Variants in POFUT3 observed in about 807,000 individuals in gnomAD.
POFUT3 encodes GDP-fucose protein O-fucosyltransferase 3.
At chr8:33,309,179 T>C in the POFUT3 span, among the ~76,000 whole-genome samples, 1 of 105,330 alleles carries the variant, frequency 9.5e-6, no homozygotes, top group South Asian at 3.1e-4. Context: ...TATATATATA[T>C]ATATATATAT....
the POFUT3 span, among the ~76,000 whole-genome samples, chr8:33,358,568 C>T: frequency 3.3e-5 from 5 of 152,224 alleles, no homozygotes; most frequent in South Asian, 1.0e-3. Context: ...AAGAATGTTA[C>T]TATGGTCAGA....
At chr8:33,453,379 G>A in the POFUT3 span, 2 of 1,614,126 alleles carry the variant, frequency 1.2e-6, no homozygotes, top group Non-Finnish European at 1.7e-6. Flanking sequence ...TTCTTTTCCT[G>A]TTGAAGGTCA....
At chr8:33,338,610 G>A in the POFUT3 span, among the ~76,000 whole-genome samples, 5 of 152,114 alleles carry the variant, frequency 3.3e-5, no homozygotes, top group Non-Finnish European at 5.9e-5. Flanking sequence ...GAGTCATGAT[G>A]TTCACCATTG....
At chr8:33,339,146 C>T in the POFUT3 span, among the ~76,000 whole-genome samples, 2 of 151,914 alleles carry the variant, frequency 1.3e-5, no homozygotes, top group African/African-American at 2.4e-5. Context: ...TTTTTTAATG[C>T]TCCAATGAGC....
the POFUT3 span, among the ~76,000 whole-genome samples, chr8:33,370,346 C>A: frequency 6.6e-6 from 1 of 152,064 alleles, no homozygotes; most frequent in African/African-American, 2.4e-5. Context: ...TAGAGCAAGA[C>A]TTCTTCTCAA....
chr8:33,466,718 G>C, the POFUT3 span, among the ~76,000 whole-genome samples: 1 of 152,142 alleles, frequency 6.6e-6, no homozygotes, highest in Non-Finnish European at 1.5e-5. Context: ...GACTTGCAGA[G>C]AGCACTATGA....
At chr8:33,424,663 C>A in the POFUT3 span, among the ~76,000 whole-genome samples, 5 of 152,136 alleles carry the variant, frequency 3.3e-5, no homozygotes, top group African/African-American at 9.7e-5. Context: ...TCTGGATAAT[C>A]CCTGTACTTT....
chr8:33,342,714 G>A, the POFUT3 span, among the ~76,000 whole-genome samples: 1 of 152,154 alleles, frequency 6.6e-6, no homozygotes, highest in Non-Finnish European at 1.5e-5. Context: ...TTGTTAGTAG[G>A]AATGTTACAG....
At chr8:33,371,425 C>G in the POFUT3 span, 1 of 152,190 alleles carries the variant, frequency 6.6e-6, no homozygotes, top group East Asian at 1.9e-4. Context: ...CTCGTCAATT[C>G]CCCCTCATGC....
the POFUT3 span, among the ~76,000 whole-genome samples, chr8:33,379,418 A>G: frequency 2.0e-5 from 3 of 152,142 alleles, no homozygotes; most frequent in African/African-American, 7.2e-5. Flanking sequence ...GAAACACATA[A>G]AAAGAGAAAA....
chr8:33,374,113 A>G, the POFUT3 span, among the ~76,000 whole-genome samples: 3 of 152,192 alleles, frequency 2.0e-5, no homozygotes, highest in African/African-American at 7.2e-5. Context: ...ATCATCAGCA[A>G]CATTAGATTC....
At chr8:33,347,125 C>CA in the POFUT3 span, among the ~76,000 whole-genome samples, 1 of 152,106 alleles carries the variant, frequency 6.6e-6, no homozygotes, top group Non-Finnish European at 1.5e-5. Flanking sequence ...ACCATCCGCA[C>CA]AAAAACAAGA....
chr8:33,406,597 A>G, the POFUT3 span, among the ~76,000 whole-genome samples: 1 of 151,608 alleles, frequency 6.6e-6, no homozygotes, highest in African/African-American at 2.4e-5. Context: ...ACGCCTGGCT[A>G]ATTTTTAATT....
chr8:33,312,299 G>A, the POFUT3 span, among the ~76,000 whole-genome samples: 12 of 151,128 alleles, frequency 7.9e-5, no homozygotes, highest in East Asian at 2.3e-3. Context: ...GAGAGAGAGA[G>A]AAATTTGGAC....
the POFUT3 span, among the ~76,000 whole-genome samples, chr8:33,458,389 A>G: frequency 6.6e-6 from 1 of 152,164 alleles, no homozygotes; most frequent in Non-Finnish European, 1.5e-5. Flanking sequence ...TCTTTACCCT[A>G]TTCATATGGC....
the POFUT3 span, chr8:33,372,471 C>T: frequency 2.7e-6 from 4 of 1,461,940 alleles, no homozygotes; most frequent in Non-Finnish European, 3.6e-6. Flanking sequence ...TAATTATTAT[C>T]CTGATGGATA....
At chr8:33,320,050 A>G in the POFUT3 span, among the ~76,000 whole-genome samples, 2 of 151,784 alleles carry the variant, frequency 1.3e-5, no homozygotes, top group African/African-American at 2.4e-5. Context: ...TTCACTGCCT[A>G]GAAAGACTAT....
the POFUT3 span, among the ~76,000 whole-genome samples, chr8:33,373,680 G>A: frequency 0.91 from 137,602 of 151,832 alleles, 62,565 homozygotes; most frequent in East Asian, 1. Context: ...AAAAGAAAAA[G>A]AAAAGTAAAA....
At chr8:33,431,133 C>A in the POFUT3 span, among the ~76,000 whole-genome samples, 3 of 152,108 alleles carry the variant, frequency 2.0e-5, no homozygotes, top group South Asian at 6.2e-4. Flanking sequence ...TCAGCATCAG[C>A]TAAGTATCTT....
Sources: allele counts gnomAD v4.1 joint callset (sites outside exome capture counted in the v4.1 genomes callset), GRCh38; gene constraint gnomAD v4.1.1; transcripts MANE v1.5; gene names NCBI Gene and HGNC (gene_info 2026-07-23, HGNC 2026-07-21).